The following STON2 variants were observed in gnomAD, a reference collection of about 807,000 sequenced individuals.
The protein encoded by STON2 is stonin 2.
STON2 carries 29 observed loss-of-function variants against 65.7 expected under a neutral mutation model. The ratio of observed to expected loss-of-function variants is 0.44; its 90% confidence interval spans 0.33 to 0.60. STON2 has a LOEUF of 0.60. STON2 is among the 20% of genes least tolerant of loss of function. STON2 has a pLI of 0.03. For synonymous variants in STON2, 404 were observed against 414.2 expected, an observed-to-expected ratio of 0.98 and a Z score of 0.30; for missense variants, 1,054 against 1,118.1, an observed-to-expected ratio of 0.94 and a Z score of 0.82.
At chr14:81,369,892 T>G (rs529962289) in intron 4 of STON2, among the ~76,000 whole-genome samples, 2 of 152,194 alleles carry the variant, frequency 1.3e-5, no homozygotes, top group South Asian at 4.2e-4. Flanking sequence ...ACTGTGGAAA[T>G]GGGGCTGTGG....
At chr14:81,314,852 T>A (rs1359400953) in intron 5 of STON2, among the ~76,000 whole-genome samples, 1 of 152,186 alleles carries the variant, frequency 6.6e-6, no homozygotes, top group Non-Finnish European at 1.5e-5. Context: ...CTTTGTTTTT[T>A]TTTGTTTTGT....
chr14:81,348,889 T>C (rs1166194766), intron 4 of STON2, among the ~76,000 whole-genome samples: 1 of 148,718 alleles, frequency 6.7e-6, no homozygotes, highest in African/African-American at 2.5e-5. Flanking sequence ...GGTAATGGTA[T>C]AAAAACAGAC....
intron 1 of STON2, among the ~76,000 whole-genome samples, chr14:81,428,381 A>G (rs1041137727): frequency 1.7e-4 from 26 of 152,250 alleles, no homozygotes; most frequent in Non-Finnish European, 1.5e-5. Flanking sequence ...GGATCACCCC[A>G]GCCTTATCCA....
At chr14:81,434,239 C>G (rs1902323381) in intron 1 of STON2, among the ~76,000 whole-genome samples, 1 of 152,148 alleles carries the variant, frequency 6.6e-6, no homozygotes, top group African/African-American at 2.4e-5. Context: ...AAAAACAAAG[C>G]AATTTGTTGA....
intron 4 of STON2, among the ~76,000 whole-genome samples, chr14:81,352,980 G>A (rs1395705211): frequency 6.6e-6 from 1 of 152,096 alleles, no homozygotes; most frequent in African/African-American, 2.4e-5. Flanking sequence ...CACCATATTT[G>A]CAGTCTCTGA....
intron 3 of STON2, chr14:81,395,619 T>G: frequency 2.6e-6 from 1 of 387,092 alleles, no homozygotes; most frequent in South Asian, 3.8e-5. Context: ...AATAGAAAAA[T>G]ATATATGCAT....
At chr14:81,362,455 T>C (rs947962698) in intron 4 of STON2, among the ~76,000 whole-genome samples, 2 of 152,092 alleles carry the variant, frequency 1.3e-5, no homozygotes, top group Admixed American at 1.3e-4. Flanking sequence ...AAGTAAAAAG[T>C]AGAATGGTGG....
In STON2 at chr14:81,266,330, C is replaced by T. The variant is rs575537523; in HGVS notation, c.*2084G>A. Among the ~76,000 whole-genome samples, 2 of 152,302 alleles carry T rather than the reference C, an allele frequency of 1.3e-5. No individual in the cohort carries two copies. Among genetic ancestry groups the T allele is most frequent in the Non-Finnish European group, 2.9e-5 (2 of 68,026 alleles). On this transcript the variant is annotated 3_prime_UTR_variant, in exon 8 of 8. Transcript: ENST00000614646. ...CTTATATTGAAGCAAACATTTGTCA[C>T]CTGTAAAGTTCCTCTTTGTTCTTAT...
chr14:81,367,274 G>C (rs1430765204), intron 4 of STON2, among the ~76,000 whole-genome samples: 2 of 152,160 alleles, frequency 1.3e-5, no homozygotes, highest in African/African-American at 2.4e-5. Context: ...CGCCTCCTGG[G>C]TTCAAGCAAT....
intron 2 of STON2, among the ~76,000 whole-genome samples, chr14:81,412,782 G>T (rs535222975): frequency 2.1e-5 from 3 of 140,018 alleles, no homozygotes; most frequent in Non-Finnish European, 4.5e-5. Flanking sequence ...ATGACCACGC[G>T]CAAAGCAGTC....
chr14:81,304,496 G>A (rs1399701232), intron 5 of STON2, among the ~76,000 whole-genome samples: 1 of 152,180 alleles, frequency 6.6e-6, no homozygotes, highest in Non-Finnish European at 1.5e-5. Context: ...GCCGAGGCAG[G>A]TGGATTGCTT....
At chr14:81,326,251 C>A (rs892613958) in intron 4 of STON2, among the ~76,000 whole-genome samples, 3 of 152,182 alleles carry the variant, frequency 2.0e-5, no homozygotes, top group Non-Finnish European at 2.9e-5. Context: ...ATTACGGGTT[C>A]TGTTCCAAGA....
intron 3 of STON2, chr14:81,395,154 T>G (rs1900253860): frequency 6.6e-6 from 1 of 152,218 alleles, no homozygotes; most frequent in African/African-American, 2.4e-5. Flanking sequence ...GATTCAAGAG[T>G]TCTGAAGTGT....
At chr14:81,434,878 A>AAC (rs1175189865) in intron 1 of STON2, among the ~76,000 whole-genome samples, 3 of 152,228 alleles carry the variant, frequency 2.0e-5, no homozygotes, top group Non-Finnish European at 2.9e-5. Context: ...TAGGAAAAAA[A>AAC]ACACCTAAAA....
At position 81,324,084 on chromosome 14, in the gene STON2, T is replaced by C. The variant is rs1896919916; in HGVS notation, c.675A>G (p.Pro225=). ...STRTHRLDPS[P]PSPQPKRSQN... ...GGCTCCTCTTGGGCTGGGGTGAGGG[T>C]GGCGAGGGGTCCAGGCGGTGGGTGC... The change falls in exon 5 of 8, where the codon CCA becomes CCG. Residue 225 remains proline, a synonymous_variant. Coordinates refer to ENST00000614646, the MANE Select transcript of STON2 (RefSeq NM_001394390.1). Among the ~76,000 whole-genome samples the C allele has an allele frequency of 6.6e-6, 1 of 152,034 alleles. No homozygotes were observed. Among genetic ancestry groups the C allele is most frequent in the Admixed American group, 6.6e-5 (1 of 15,252 alleles).
intron 1 of STON2, among the ~76,000 whole-genome samples, 132 bp downstream of exon 1, chr14:81,400,147 C>A (rs1439318164): frequency 6.6e-6 from 1 of 152,164 alleles, no homozygotes; most frequent in Non-Finnish European, 1.5e-5. Context: ...TGCCAGCACA[C>A]CCCAAGCTGT....
In STON2 at chr14:81,419,025, T is replaced by C. The variant is rs1247014842; in HGVS notation, c.-199+8077A>G. On this transcript the variant is annotated intron_variant, in intron 2 of 8. Coordinates refer to the STON2 transcript ENST00000553821. ...AAGAAAATACCTCTTAAAATCTCAA[T>C]AAAACCTTTCTAAGCTCTACAAATT... is the stretch of plus-strand genomic sequence containing the variant. Among the ~76,000 whole-genome samples the C allele has an allele frequency of 4.0e-5, 6 of 150,594 alleles. No homozygotes were observed. The East Asian group carries it at 1.2e-3, about 29-fold the overall frequency.
At chr14:81,316,284 C>T (rs1896616300) in intron 5 of STON2, among the ~76,000 whole-genome samples, 1 of 152,122 alleles carries the variant, frequency 6.6e-6, no homozygotes, top group Non-Finnish European at 1.5e-5. Context: ...GTCTCCTCGC[C>T]GTCTATTTCA....
At chr14:81,269,302 G>A (rs946529067) in intron 7 of STON2, 62 of 984,980 alleles carry the variant, frequency 6.3e-5, no homozygotes, top group African/African-American at 1.4e-4. Flanking sequence ...CACAGCACCC[G>A]GCCACCTCCA....
Sources: gnomAD v4.1 joint callset for allele counts (sites outside exome capture counted in the v4.1 genomes callset) on GRCh38, gnomAD v4.1.1 for gene constraint, MANE v1.5 for transcripts, NCBI Gene and HGNC (gene_info 2026-07-23, HGNC 2026-07-21) for gene names.